The following LRRC63 variants were observed in gnomAD, a reference collection of about 807,000 sequenced individuals.
LRRC63 encodes leucine rich repeat containing 63, also known as leucine-rich repeat-containing protein 63.
A neutral mutation model predicts 49.5 loss-of-function variants in LRRC63; 40 were observed. That is an observed-to-expected ratio of 0.81 (90% CI 0.63 to 1.05). LRRC63 has a LOEUF of 1.05. Ranked by LOEUF, LRRC63 falls within the 50% of genes least tolerant of loss-of-function variation. The pLI is 0.00. For missense variants in LRRC63, 636 were observed against 663.1 expected (o/e 0.96, Z 0.45); for synonymous variants, 191 against 221.1 (o/e 0.86, Z 1.21).
chr13:46,255,645 A>AAAAAAAAAAAAAAATATATATAT (rs1555328641), intron 7 of LRRC63, among the ~76,000 whole-genome samples: 6 of 129,464 alleles, frequency 4.6e-5, no homozygotes, highest in African/African-American at 1.7e-4. Context: ...CCCTGCCTCA[A>AAAAAAAAAAAAAAATATATATAT]ATATATATAT....
intron 7 of LRRC63, among the ~76,000 whole-genome samples, chr13:46,255,647 T>A (rs867138462): frequency 0.038 from 5,164 of 137,318 alleles, 371 homozygotes; most frequent in African/African-American, 0.15. Context: ...CTGCCTCAAA[T>A]ATATATATAT....
At chr13:46,265,642 C>T (rs2047674903) in intron 8 of LRRC63, among the ~76,000 whole-genome samples, 1 of 152,166 alleles carries the variant, frequency 6.6e-6, no homozygotes, top group Non-Finnish European at 1.5e-5. Flanking sequence ...CTCCAAATAC[C>T]ATCAACTTAA....
chr13:46,242,015 G>A (rs550794452), intron 5 of LRRC63, among the ~76,000 whole-genome samples: 15 of 151,890 alleles, frequency 9.9e-5, no homozygotes, highest in Admixed American at 5.2e-4. Context: ...GGACACATGC[G>A]TATGCTTATT....
At chr13:46,225,088 G>A (rs1192234708) in intron 2 of LRRC63, among the ~76,000 whole-genome samples, 1 of 152,190 alleles carries the variant, frequency 6.6e-6, no homozygotes, top group Admixed American at 6.5e-5. Context: ...AGGTTCTCAC[G>A]TCGCTGGGAA....
exon 3 of LRRC63, chr13:46,227,665 A>C (rs1566476447): frequency 6.4e-7 from 1 of 1,550,450 alleles, no homozygotes; most frequent in Non-Finnish European, 8.7e-7. Flanking sequence ...CACTGTGTAC[A>C]AGAAAGAGTG....
intron 7 of LRRC63, among the ~76,000 whole-genome samples, chr13:46,256,035 T>C (rs979326613): frequency 4.6e-5 from 7 of 152,250 alleles, no homozygotes; most frequent in Non-Finnish European, 8.8e-5. Context: ...TATATATCAG[T>C]ATTCCATTCC....
intron 4 of LRRC63, among the ~76,000 whole-genome samples, chr13:46,230,854 G>A (rs985518002): frequency 2.6e-5 from 4 of 152,176 alleles, no homozygotes; most frequent in African/African-American, 9.7e-5. Flanking sequence ...AGCATAGGCT[G>A]TTACAAGCAG....
chr13:46,266,674 T>A, intron 8 of LRRC63, 59 bp from the exon 9 acceptor site: 1 of 1,384,946 alleles, frequency 7.2e-7, no homozygotes. Flanking sequence ...AGGCAGAATT[T>A]TACTTTAATA....
intron 7 of LRRC63, among the ~76,000 whole-genome samples, chr13:46,260,032 C>T (rs2047588848): frequency 6.6e-6 from 1 of 152,174 alleles, no homozygotes; most frequent in Non-Finnish European, 1.5e-5. Flanking sequence ...CATAGAGTAT[C>T]AGACCAAACA....
At chr13:46,250,605 T>G (rs776671253) in intron 7 of LRRC63, 114 bp downstream of exon 7, 15 of 853,196 alleles carry the variant, frequency 1.8e-5, no homozygotes, top group Non-Finnish European at 2.7e-5. Context: ...TAATTTGTAT[T>G]CTATTCTAAT....
chr13:46,236,558 A>G (rs183826653), intron 5 of LRRC63, among the ~76,000 whole-genome samples: 6 of 152,234 alleles, frequency 3.9e-5, no homozygotes, highest in African/African-American at 1.4e-4. Flanking sequence ...TGTCAACCAA[A>G]AGTCTATACC....
intron 7 of LRRC63, among the ~76,000 whole-genome samples, chr13:46,256,281 C>A (rs17067904): frequency 6.6e-6 from 1 of 152,124 alleles, no homozygotes; most frequent in African/African-American, 2.4e-5. Context: ...TGTCAGATCT[C>A]CAAAATTCCA....
rs1048857528 is a variant in LRRC63, at chr13:46,227,815, G to A, written c.389G>A (p.Ser130Asn). Residue 130 changes from serine to asparagine, a missense_variant, in exon 3 of 10, where the codon AGT (serine) becomes AAT (asparagine). Transcript: ENST00000595396. ...GGGAAACAAACAAACAAAATGGAAA[G>A]TTCAAGAAAGTTTAAAACTATGAAA... is the stretch of plus-strand genomic sequence containing the variant. 9 of 1,550,020 alleles carry A rather than the reference G, an allele frequency of 5.8e-6. No homozygotes were observed. In the South Asian group the frequency reaches 1.1e-4, roughly 18 times the overall value.
chr13:46,242,079 G>A (rs992368985), intron 5 of LRRC63, among the ~76,000 whole-genome samples: 2 of 152,152 alleles, frequency 1.3e-5, no homozygotes, highest in African/African-American at 4.8e-5. Context: ...GCACATCGAT[G>A]ATAGACTGGA....
intron 2 of LRRC63, among the ~76,000 whole-genome samples, 187 bp from the exon 3 acceptor site, chr13:46,227,325 C>T (rs1259008742): frequency 2.0e-5 from 3 of 152,122 alleles, no homozygotes; most frequent in South Asian, 2.1e-4. Context: ...GTCACTTCTC[C>T]GGTTGCTCAC....
At chr13:46,241,857 A>T (rs2047072915) in intron 5 of LRRC63, among the ~76,000 whole-genome samples, 1 of 152,204 alleles carries the variant, frequency 6.6e-6, no homozygotes, top group African/African-American at 2.4e-5. Flanking sequence ...AGGAACATTT[A>T]TACACTCTTG....
chr13:46,221,720 G>T (rs1209410226), intron 2 of LRRC63, among the ~76,000 whole-genome samples: 1 of 152,206 alleles, frequency 6.6e-6, no homozygotes, highest in Admixed American at 6.5e-5. Context: ...TCAAGACTTG[G>T]TTCTGAGTCA....
chr13:46,215,574 A>G (rs1463282446), intron 2 of LRRC63, among the ~76,000 whole-genome samples: 1 of 151,866 alleles, frequency 6.6e-6, no homozygotes, highest in Non-Finnish European at 1.5e-5. Flanking sequence ...CTGCCTGTTC[A>G]CTCTGATGAC....
intron 5 of LRRC63, among the ~76,000 whole-genome samples, chr13:46,238,762 T>A (rs1351659289): frequency 6.6e-6 from 1 of 152,092 alleles, no homozygotes; most frequent in African/African-American, 2.4e-5. Flanking sequence ...AGCCAAACCA[T>A]ATCAATAACC....
Sources: gnomAD v4.1 joint callset for allele counts (sites outside exome capture counted in the v4.1 genomes callset) on GRCh38, gnomAD v4.1.1 for gene constraint, MANE v1.5 for transcripts, NCBI Gene and HGNC (gene_info 2026-07-23, HGNC 2026-07-21) for gene names.